Variants in LANCL2 observed in about 807,000 individuals in gnomAD.
The protein encoded by LANCL2 is LanC like glutathione S-transferase 2, also known as lanC-like protein 2.
A neutral mutation model predicts 56.9 loss-of-function variants in LANCL2; 33 were observed. The ratio of observed to expected loss-of-function variants is 0.58; its 90% CI spans 0.44 to 0.78. The LOEUF (loss-of-function observed/expected upper bound fraction) is 0.78. LANCL2 is among the 30% of genes least tolerant of loss of function. The pLI is 0.00. For synonymous variants in LANCL2, 233 were observed against 228.2 expected, an observed-to-expected ratio of 1.02 and a Z score of -0.19; for missense variants, 562 against 580.2, an observed-to-expected ratio of 0.97 and a Z score of 0.32.
In LANCL2 at chr7:55,366,127, C is replaced by A; in HGVS notation, c.102C>A (p.Ala34=). 1 of 1,545,896 alleles carries A rather than the reference C, an allele frequency of 6.5e-7. No homozygotes were observed. Among genetic ancestry groups the A allele is most frequent in the Admixed American group, 1.9e-5 (1 of 51,682 alleles). The change falls in exon 1 of 9, where the codon GCC becomes GCA. Residue 34 remains alanine, a synonymous_variant. Transcript: ENST00000254770. ...FVNPFPDYEA[A]AGALLASGAA... ...ACCCCTTCCCGGACTACGAGGCCGC[C>A]GCCGGGGCGCTGCTCGCCTCCGGAG... is the stretch of plus-strand genomic sequence containing the variant.
intron 1 of LANCL2, among the ~76,000 whole-genome samples, chr7:55,390,760 G>A (rs1173010757): frequency 6.7e-6 from 1 of 149,234 alleles, no homozygotes; most frequent in African/African-American, 2.5e-5. Context: ...CAGCCTGAGC[G>A]ACAGAGCAAA....
intron 6 of LANCL2, among the ~76,000 whole-genome samples, 176 bp from the exon 7 acceptor site, chr7:55,425,078 C>T (rs894596561): frequency 1.3e-5 from 2 of 152,118 alleles, no homozygotes; most frequent in Non-Finnish European, 2.9e-5. Flanking sequence ...ATTGAGATTG[C>T]GAGATTCTAT....
chr7:55,389,866 A>G lies in LANCL2; in HGVS notation c.205-1927A>G, dbSNP rs114305925. Among the ~76,000 whole-genome samples the G allele has an allele frequency of 4.4e-3, 663 of 152,362 alleles. 8 individuals carry two copies. The highest frequency in any genetic ancestry group is 0.015 in the African/African-American group (632 of 41,590). On this transcript the variant is annotated intron_variant, in intron 1 of 8. Coordinates refer to ENST00000254770, the MANE Select transcript of LANCL2 (RefSeq NM_018697.4). ...TTTGTTTAATCTTTTCAGAATGTAC[A>G]TAAATATCTGTATGGAAAAGATGAG...
chr7:55,405,237 C>T (rs569325370), intron 5 of LANCL2, among the ~76,000 whole-genome samples: 129 of 152,252 alleles, frequency 8.5e-4, no homozygotes, highest in African/African-American at 2.9e-3. Context: ...TGGTTGAAGC[C>T]GGCAGGCAGG....
At chr7:55,390,168 G>C (rs7804554) in intron 1 of LANCL2, among the ~76,000 whole-genome samples, 3 of 152,026 alleles carry the variant, frequency 2.0e-5, no homozygotes, top group East Asian at 3.9e-4. Context: ...TCAGGAAGAC[G>C]TACTAGCCAT....
intron 5 of LANCL2, among the ~76,000 whole-genome samples, chr7:55,406,706 A>G (rs1452493215): frequency 6.6e-6 from 1 of 152,246 alleles, no homozygotes; most frequent in Non-Finnish European, 1.5e-5. Context: ...CAATATATGC[A>G]AAAACTCTTA....
At chr7:55,412,135 G>T (rs1230906173) in intron 6 of LANCL2, 46 bp downstream of exon 6, 1 of 1,562,214 alleles carries the variant, frequency 6.4e-7, no homozygotes, top group South Asian at 1.2e-5. Context: ...GGGGAGCCAG[G>T]TTTCCCTGTC....
chr7:55,386,191 C>T (rs554727287), intron 1 of LANCL2, among the ~76,000 whole-genome samples: 8 of 152,178 alleles, frequency 5.3e-5, no homozygotes, highest in African/African-American at 1.2e-4. Flanking sequence ...ACATCCTTCT[C>T]GGCTGACAGG....
chr7:55,404,865 C>T (rs1271941187), intron 5 of LANCL2, among the ~76,000 whole-genome samples: 1 of 152,188 alleles, frequency 6.6e-6, no homozygotes, highest in Non-Finnish European at 1.5e-5. Context: ...CCACCCACCT[C>T]AGCCTCCCAA....
At chr7:55,368,616 T>C (rs1025176541) in intron 1 of LANCL2, among the ~76,000 whole-genome samples, 1 of 152,052 alleles carries the variant, frequency 6.6e-6, no homozygotes, top group Non-Finnish European at 1.5e-5. Context: ...AAGAATGCAA[T>C]TTGAGGATAT....
intron 1 of LANCL2, among the ~76,000 whole-genome samples, chr7:55,391,112 G>A (rs2128992751): frequency 6.6e-6 from 1 of 150,740 alleles, no homozygotes; most frequent in South Asian, 2.1e-4. Context: ...CGCCTCCCGG[G>A]TTCACGCCAT....
chr7:55,373,722 A>G (rs755635295), intron 1 of LANCL2, among the ~76,000 whole-genome samples: 7 of 152,156 alleles, frequency 4.6e-5, no homozygotes, highest in Non-Finnish European at 7.4e-5. Context: ...CATTTTTTGC[A>G]TTTTATTTAA....
chr7:55,410,956 A>G (rs1328976352), intron 5 of LANCL2, among the ~76,000 whole-genome samples: 1 of 143,444 alleles, frequency 7.0e-6, no homozygotes, highest in Non-Finnish European at 1.5e-5. Context: ...ATGTGGTGAC[A>G]TGTCACCCTG....
At chr7:55,374,870 T>G (rs908373935) in intron 1 of LANCL2, among the ~76,000 whole-genome samples, 14 of 152,234 alleles carry the variant, frequency 9.2e-5, no homozygotes, top group African/African-American at 1.4e-4. Flanking sequence ...AAAAGCTATT[T>G]TTATCATCTT....
At chr7:55,401,346 A>G in intron 5 of LANCL2, 26 bp downstream of exon 5, 2 of 1,584,712 alleles carry the variant, frequency 1.3e-6, no homozygotes, top group Non-Finnish European at 1.7e-6. Flanking sequence ...CTTACACACT[A>G]CAGTATATTT....
At chr7:55,377,469 C>G (rs924264728) in intron 1 of LANCL2, among the ~76,000 whole-genome samples, 2 of 152,022 alleles carry the variant, frequency 1.3e-5, no homozygotes, top group African/African-American at 4.8e-5. Context: ...CCCCTATTCC[C>G]CCTTCCCCCT....
intron 5 of LANCL2, among the ~76,000 whole-genome samples, chr7:55,403,554 TTTTG>T (rs1341232556): frequency 3.7e-4 from 55 of 150,058 alleles, no homozygotes; most frequent in South Asian, 1.3e-3. Context: ...TCTGGGTTTT[TTTTG>T]TTTGTTTGTT....
At chr7:55,417,811 T>C (rs932947690) in intron 6 of LANCL2, among the ~76,000 whole-genome samples, 12 of 152,064 alleles carry the variant, frequency 7.9e-5, no homozygotes, top group Non-Finnish European at 1.6e-4. Flanking sequence ...CCTGAGTAGC[T>C]GGGATTACAG....
chr7:55,386,121 A>G (rs1250175660), intron 1 of LANCL2, among the ~76,000 whole-genome samples: 2 of 152,114 alleles, frequency 1.3e-5, no homozygotes, highest in Admixed American at 6.5e-5. Flanking sequence ...TATTGCCCAA[A>G]CACACATGCT....
Sources: allele counts gnomAD v4.1 joint callset (sites outside exome capture counted in the v4.1 genomes callset), GRCh38; gene constraint gnomAD v4.1.1; transcripts MANE v1.5; gene names NCBI Gene and HGNC (gene_info 2026-07-23, HGNC 2026-07-21).